ATP6V1H: variants seen among roughly 807,000 people sequenced by gnomAD.
ATP6V1H encodes the protein V-type proton ATPase subunit H.
A neutral mutation model predicts 71.7 loss-of-function variants in ATP6V1H; 39 were observed. The observed-to-expected ratio is 0.54, with a 90% CI of 0.42 to 0.71. The LOEUF is 0.71. Ranked by LOEUF, ATP6V1H falls within the 30% of genes least tolerant of loss-of-function variation. ATP6V1H has a pLI of 0.00. For missense variants in ATP6V1H, 509 were observed against 594.9 expected (o/e 0.86, Z 1.50); for synonymous variants, 192 against 199.3 (o/e 0.96, Z 0.31).
At chr8:53,806,939 A>G in intron 7 of ATP6V1H, 1 of 437,022 alleles carries the variant, frequency 2.3e-6, no homozygotes, top group Non-Finnish European at 4.6e-6. Flanking sequence ...ACACAACTGT[A>G]AAGTTGAAAA....
intron 11 of ATP6V1H, among the ~76,000 whole-genome samples, chr8:53,765,228 C>T (rs1488649542): frequency 5.9e-5 from 9 of 151,946 alleles, no homozygotes; most frequent in African/African-American, 2.2e-4. Flanking sequence ...ATGGTGAAAC[C>T]CCGTCTCTAC....
chr8:53,723,260 C>T (rs1320598014), intron 13 of ATP6V1H, among the ~76,000 whole-genome samples: 1 of 152,162 alleles, frequency 6.6e-6, no homozygotes, highest in Non-Finnish European at 1.5e-5. Context: ...CCTCCTCCCT[C>T]TGATTTCTCC....
chr8:53,722,661 C>T (rs1229804543), intron 13 of ATP6V1H, among the ~76,000 whole-genome samples: 5 of 151,884 alleles, frequency 3.3e-5, no homozygotes, highest in East Asian at 3.9e-4. Flanking sequence ...ACTAAGAAAT[C>T]GATGATTGTT....
chr8:53,780,275 A>G (rs1346188309), intron 9 of ATP6V1H, among the ~76,000 whole-genome samples: 2 of 152,148 alleles, frequency 1.3e-5, no homozygotes, highest in Non-Finnish European at 2.9e-5. Flanking sequence ...ACTTCCCTCT[A>G]AATTGTCCAA....
intron 12 of ATP6V1H, among the ~76,000 whole-genome samples, chr8:53,750,235 A>G (rs1807745749): frequency 6.6e-6 from 1 of 152,204 alleles, no homozygotes; most frequent in Admixed American, 6.5e-5. Flanking sequence ...TCTTACGAAA[A>G]CAAGTAATTG....
Position 53,801,929 on chromosome 8 carries a change from G to C in ATP6V1H, c.580-33C>G, listed in dbSNP as rs374721364. 8 of 1,569,758 alleles carry C rather than the reference G, an allele frequency of 5.1e-6. No individual in the cohort carries two copies. The African/African-American group carries it at 9.5e-5, about 19-fold the overall frequency. ...AGAAGAAGTGTTGAGTTTTTAAATG[G>C]GAAGCATTTAAAGTCATGCGATCAG... On this transcript the variant is annotated intron_variant, in intron 7 of 13. Transcript: ENST00000359530.
intron 7 of ATP6V1H, among the ~76,000 whole-genome samples, chr8:53,803,347 TA>T (rs992706757): frequency 1.4e-4 from 21 of 150,704 alleles, no homozygotes; most frequent in African/African-American, 5.1e-4. Context: ...AAAAAAAAAA[TA>T]AAAACAGAAG....
intron 7 of ATP6V1H, among the ~76,000 whole-genome samples, chr8:53,809,720 A>G (rs1810210419): frequency 6.6e-6 from 1 of 152,194 alleles, no homozygotes. Flanking sequence ...TAAGTTTGTA[A>G]GTCTAAAATA....
intron 10 of ATP6V1H, 104 bp from the exon 11 acceptor site, chr8:53,769,847 A>G (rs1410740562): frequency 2.0e-6 from 2 of 1,011,540 alleles, no homozygotes; most frequent in Non-Finnish European, 2.8e-6. Context: ...ACAAAGACTG[A>G]CCATCCTTTG....
rs551370416 is a variant in ATP6V1H at position 53,781,780 on chromosome 8, C to T, written c.871-9613G>A. On this transcript the variant is annotated intron_variant, in intron 9 of 13. Coordinates refer to ENST00000359530, the MANE Select transcript of ATP6V1H (RefSeq NM_015941.4). The stretch of plus-strand genomic sequence containing the variant: ...ATATGGCTAGCCAGTTTTCCCAGCA[C>T]CATTTATTAAATAGGGAATCCTTTC... Among the ~76,000 whole-genome samples, 530 of 151,972 alleles carry T rather than the reference C, an allele frequency of 3.5e-3. 3 individuals carry two copies. The highest frequency in any genetic ancestry group is 0.012 in the African/African-American group (488 of 41,410).
chr8:53,738,318 C>T lies in ATP6V1H; in HGVS notation c.1391+5259G>A, dbSNP rs111530778. Among the ~76,000 whole-genome samples the T allele has an allele frequency of 8.3e-3, 1,245 of 150,798 alleles. 20 individuals carry two copies. The highest frequency in any genetic ancestry group is 0.029 in the African/African-American group (1,163 of 40,726). The stretch of plus-strand genomic sequence containing the variant: ...CCTCAAAAAAAAAAAAAAATGCGTG[C>T]ACGTGCACACACACACACAAAGCCC... On this transcript the variant is annotated intron_variant, in intron 13 of 13. Coordinates refer to ENST00000359530, the MANE Select transcript of ATP6V1H (RefSeq NM_015941.4).
rs2130473965 is a variant in ATP6V1H at position 53,814,778 on chromosome 8, TAA to T, written c.421-14_421-13del. 2 of 1,562,674 alleles carry T rather than the reference TAA, an allele frequency of 1.3e-6. No individual in the cohort carries two copies. Among genetic ancestry groups the T allele is most frequent in the African/African-American group, 1.4e-5 (1 of 73,808 alleles). On this transcript the variant is annotated splice_polypyrimidine_tract_variant and intron_variant, in intron 5 of 13. Transcript: ENST00000359530. ...ATAATTCTTGCTGCCTGAAAACAAATAAGAGATACATTTAACGCAACATTAAT... is the reference window on the plus strand; with the variant it reads ...ATAATTCTTGCTGCCTGAAAACAAATGAGATACATTTAACGCAACATTAAT...
At chr8:53,806,788 TC>T (rs1810089719) in intron 7 of ATP6V1H, 1 of 447,540 alleles carries the variant, frequency 2.2e-6, no homozygotes, top group Non-Finnish European at 4.5e-6. Context: ...AGGCAATCCT[TC>T]CAAAAATCAA....
chr8:53,840,687 A>T (rs1811317064), intron 2 of ATP6V1H, among the ~76,000 whole-genome samples: 1 of 152,164 alleles, frequency 6.6e-6, no homozygotes, highest in South Asian at 2.1e-4. Flanking sequence ...AAATTAAAGG[A>T]TCATTTTTGT....
chr8:53,778,459 C>CATTA (rs1307562663), intron 9 of ATP6V1H, among the ~76,000 whole-genome samples: 1 of 152,090 alleles, frequency 6.6e-6, no homozygotes, highest in African/African-American at 2.4e-5. Flanking sequence ...TTTTTGTACC[C>CATTA]ATTAACCAAT....
At chr8:53,769,542 A>C (rs1052597823) in intron 11 of ATP6V1H, 76 bp downstream of exon 11, 10 of 1,402,026 alleles carry the variant, frequency 7.1e-6, no homozygotes, top group Middle Eastern at 3.7e-4. Context: ...TCTAAAATTT[A>C]GAGTGACAAA....
intron 11 of ATP6V1H, among the ~76,000 whole-genome samples, chr8:53,762,780 C>A (rs1395789332): frequency 6.6e-6 from 1 of 152,134 alleles, no homozygotes; most frequent in Non-Finnish European, 1.5e-5. Context: ...TAATCTTGTA[C>A]AGTTGACCAT....
chr8:53,777,428 G>A (rs932586992), intron 9 of ATP6V1H, among the ~76,000 whole-genome samples: 25 of 151,480 alleles, frequency 1.7e-4, no homozygotes, highest in African/African-American at 6.1e-4. Context: ...TAAAAAAAGA[G>A]AGAGAAAAAT....
At chr8:53,834,433 TTG>T (rs1254045971) in intron 2 of ATP6V1H, among the ~76,000 whole-genome samples, 1 of 152,188 alleles carries the variant, frequency 6.6e-6, no homozygotes, top group Non-Finnish European at 1.5e-5. Context: ...GGTTTTTTGT[TTG>T]TTTGTTTTTG....
Sources: allele counts gnomAD v4.1 joint callset (sites outside exome capture counted in the v4.1 genomes callset), GRCh38; gene constraint gnomAD v4.1.1; transcripts MANE v1.5; gene names NCBI Gene and HGNC (gene_info 2026-07-23, HGNC 2026-07-21).